The following PSMD2 variants were observed in gnomAD, a reference collection of about 807,000 sequenced individuals.
PSMD2 encodes proteasome 26S subunit ubiquitin receptor, non-ATPase 2, also known as 26S proteasome non-ATPase regulatory subunit 2.
In PSMD2, 8 loss-of-function variants were observed where a neutral mutation model predicts 101.5. The ratio of observed to expected loss-of-function variants is 0.08; its 90% confidence interval spans 0.05 to 0.14. The LOEUF is 0.14. Among genes scored for constraint, PSMD2 ranks in the 10% least tolerant of loss-of-function variants. The pLI is 1.00. For synonymous variants in PSMD2, 418 were observed against 433.8 expected, an observed-to-expected ratio of 0.96 and a Z score of 0.45; for missense variants, 784 against 1,147.4, an observed-to-expected ratio of 0.68 and a Z score of 4.58.
intron 1 of PSMD2, 94 bp from the exon 2 acceptor site, chr3:184,299,757 G>A: frequency 9.5e-7 from 1 of 1,052,836 alleles, no homozygotes; most frequent in Non-Finnish European, 1.5e-6. Context: ...CCCTCCTAAG[G>A]AGGCAGGCTT....
At position 184,307,724 on chromosome 3, in the gene PSMD2, C is replaced by T. The variant is rs764095584; in HGVS notation, c.2298+16C>T. 5.3e-5 allele frequency: 85 copies of T among 1,612,252 alleles called. No individual in the cohort carries two copies. The Admixed American group carries it at 1.4e-3, about 27-fold the overall frequency. ...CTTGGCACAGGTAAAGAATAGAACT[C>T]CTCCACAGAGCGTGCCGGGGAAGTA... On this transcript the variant is annotated intron_variant, in intron 18 of 20. Coordinates refer to ENST00000310118, the MANE Select transcript of PSMD2 (RefSeq NM_002808.5).
chr3:184,308,294 C>T lies in PSMD2; in HGVS notation c.2426-155C>T, dbSNP rs926473134. ...GGCTGTAAGCAAAGTGAGGTGGGGG[C>T]GTCTCTGGTTCGTAGTAGGGTGTAT... is the stretch of plus-strand genomic sequence containing the variant. On this transcript the variant is annotated intron_variant, in intron 19 of 20. Transcript: ENST00000310118. The surrounding 1 kb of genome is among the most constrained non-coding windows in gnomAD (Gnocchi z 6.0). 6.6e-5 allele frequency among the ~76,000 whole-genome samples: 10 copies of T among 152,098 alleles called. No individual in the cohort carries two copies. The highest frequency in any genetic ancestry group is 4.8e-5 in the African/African-American group (2 of 41,420).
intron 1 of PSMD2, 69 bp downstream of exon 1, chr3:184,299,470 A>C: frequency 1.5e-6 from 2 of 1,310,206 alleles, no homozygotes; most frequent in Non-Finnish European, 1.9e-6. Flanking sequence ...CGCAGGCCTC[A>C]GGCCCGACAC....
rs952433532 is a variant in PSMD2, at chr3:184,300,386, G to A, written c.299G>A (p.Arg100His). The change falls in exon 3 of 21, where the codon CGT (arginine) becomes CAT (histidine). Residue 100 changes from arginine to histidine, a missense_variant. Arg to His is a conservative substitution (Grantham distance 29). Transcript: ENST00000310118. ...GTGCCCAAGCCTCTCAAATTTCTGC[G>A]TCCACACTATGGCAAACTGAAGGAA... ...TSVPKPLKFL[R>H]PHYGKLKEIY... The A allele has an allele frequency of 3.1e-6, 5 of 1,613,916 alleles. No homozygotes were observed. The South Asian group carries it at 3.3e-5, about 11-fold the overall frequency.
In PSMD2 at chr3:184,302,007, G is replaced by T. The variant is rs749475591; in HGVS notation, c.640G>T (p.Val214Leu). 6.2e-7 allele frequency: 1 copy of T among 1,614,138 alleles called. No individual in the cohort carries two copies. The highest frequency in any genetic ancestry group is 1.3e-5 in the African/African-American group (1 of 74,950). The change falls in exon 5 of 21, where the codon GTG (valine) becomes TTG (leucine). Residue 214 changes from valine (V) to leucine (L), a missense_variant. Transcript: ENST00000310118. ...ACDLLMEIEQ[V>L]DMLEKDIDEN... ...CGACCTGCTTATGGAAATTGAGCAG[G>T]TGGACATGCTGGAGAAGGACATTGA...
At position 184,308,754 on chromosome 3, in the gene PSMD2, G is replaced by C; in HGVS notation, c.2591G>C (p.Gly864Ala). The C allele has an allele frequency of 1.2e-6, 2 of 1,614,192 alleles. No homozygotes were observed. The highest frequency in any genetic ancestry group is 1.7e-6 in the Non-Finnish European group (2 of 1,180,028). ...GQAGKPKTITGFQTHTTPVLL... is the reference protein window; with the variant it reads ...GQAGKPKTITAFQTHTTPVLL... ...GCTGGCAAGCCGAAGACTATCACAG[G>C]GTTCCAGACGCATACAACCCCAGTG... The change falls in exon 21 of 21, where the codon GGG becomes GCG. Residue 864 changes from glycine (G) to alanine (A), a missense_variant. Gly to Ala is a moderately conservative substitution (Grantham distance 60). Around this residue, in one of 6 missense-constraint regions of PSMD2, gnomAD observed 28 missense variants for 80.8 expected, o/e 0.35. Transcript: ENST00000310118. This position sits in a 1 kb window ranked among gnomAD's most constrained non-coding sequence, Gnocchi z 6.0.
At chr3:184,302,596 T>G (rs1370807275) in intron 6 of PSMD2, 68 bp downstream of exon 6, 6 of 1,611,226 alleles carry the variant, frequency 3.7e-6, no homozygotes, top group Non-Finnish European at 5.1e-6. Context: ...GAGCTGGGAC[T>G]TGTAGTTTCT....
chr3:184,299,914 C>G lies in PSMD2; in HGVS notation c.192+7C>G. ...GCTCGTGGAACGACTAGGGGTGAGT[C>G]ACGATGTTAACATGATTCGGTGCAT... On this transcript the variant is annotated splice_region_variant and intron_variant, in intron 2 of 20. Transcript: ENST00000310118. 6.2e-7 allele frequency: 1 copy of G among 1,612,354 alleles called. No homozygotes were observed. Among genetic ancestry groups the G allele is most frequent in the Non-Finnish European group, 8.5e-7 (1 of 1,178,400 alleles).
At chr3:184,302,254 T>C (rs945839078) in intron 5 of PSMD2, 116 bp from the exon 6 acceptor site, 2 of 1,239,106 alleles carry the variant, frequency 1.6e-6, no homozygotes, top group Non-Finnish European at 2.3e-6. Flanking sequence ...TTCTAACATC[T>C]AGCACAGTGC....
Position 184,308,253 on chromosome 3 carries a change from G to A in PSMD2, c.2426-196G>A, listed in dbSNP as rs533635274. On this transcript the variant is annotated intron_variant, in intron 19 of 20. Coordinates refer to ENST00000310118, the MANE Select transcript of PSMD2 (RefSeq NM_002808.5). The surrounding 1 kb of genome is among the most constrained non-coding windows in gnomAD (Gnocchi z 6.0). Reference sequence around the variant, plus strand: ...TGCTCCTAAGTCACTGGGGAAATGCGATTTTCAAGTCTAAGGGCTGTAAGC... The same window carrying A: ...TGCTCCTAAGTCACTGGGGAAATGCAATTTTCAAGTCTAAGGGCTGTAAGC... 4.7e-4 allele frequency among the ~76,000 whole-genome samples: 72 copies of A among 152,296 alleles called. No individual in the cohort carries two copies. Among genetic ancestry groups the A allele is most frequent in the African/African-American group, 1.5e-3 (61 of 41,548 alleles).
At chr3:184,305,615 A>G (rs1721806063) in intron 12 of PSMD2, among the ~76,000 whole-genome samples, 153 bp from the exon 13 acceptor site, 1 of 152,202 alleles carries the variant, frequency 6.6e-6, no homozygotes, top group South Asian at 2.1e-4. Flanking sequence ...GTATATACTC[A>G]ATGAATAATG....
rs1721763757 is a variant in PSMD2 at position 184,304,520 on chromosome 3, A to G, written c.1539+129A>G. The G allele has an allele frequency of 1.1e-6, 1 of 929,176 alleles. No homozygotes were observed. 57.6% of individuals were successfully genotyped at this position (929,176 alleles called of 1,614,324 possible). A position where few individuals can be genotyped will look rare whatever the true frequency, so the allele number is the denominator to read the frequency against. ...TACATGTACATGCCTGTTGGTGTGT[A>G]TTGAGGGGCGTCACCTCAGTGAAAC... is the stretch of plus-strand genomic sequence containing the variant. On this transcript the variant is annotated intron_variant, in intron 12 of 20. Transcript: ENST00000310118. The surrounding 1 kb of genome is among the most constrained non-coding windows in gnomAD (Gnocchi z 4.1).
chr3:184,302,451 C>T lies in PSMD2; in HGVS notation c.786C>T (p.Phe262=), dbSNP rs368021493. ...ALGVFRKFSR[F]PEALRLALML... Reference sequence around the variant, plus strand: ...GTGTGTTCCGAAAGTTTAGCCGCTTCCCTGAAGCTCTGAGATTGGCATTGA... The same window carrying T: ...GTGTGTTCCGAAAGTTTAGCCGCTTTCCTGAAGCTCTGAGATTGGCATTGA... The change falls in exon 6 of 21, where the codon TTC becomes TTT. Residue 262 remains phenylalanine, a synonymous_variant. Coordinates refer to ENST00000310118, the MANE Select transcript of PSMD2 (RefSeq NM_002808.5). The T allele has an allele frequency of 6.8e-6, 11 of 1,614,050 alleles. No individual in the cohort carries two copies. Among genetic ancestry groups the T allele is most frequent in the Non-Finnish European group, 7.6e-6 (9 of 1,180,044 alleles).
chr3:184,306,756 G>A lies in PSMD2; in HGVS notation c.1956G>A (p.Val652=). 1 of 1,613,586 alleles carries A rather than the reference G, an allele frequency of 6.2e-7. No homozygotes were observed. Among genetic ancestry groups the A allele is most frequent in the Non-Finnish European group, 8.5e-7 (1 of 1,179,770 alleles). The change falls in exon 16 of 21, where the codon GTG becomes GTA. Residue 652 remains valine (V), a synonymous_variant. Coordinates refer to ENST00000310118, the MANE Select transcript of PSMD2 (RefSeq NM_002808.5). Reference sequence around the variant, plus strand: ...TGCTCTCTCTTCAATTGCAGGGAGTGGCTGTTCTGGGGATTGCCCTTATTG... The same window carrying A: ...TGCTCTCTCTTCAATTGCAGGGAGTAGCTGTTCTGGGGATTGCCCTTATTG... The part of the protein sequence containing the change: ...APADMGAHQG[V]AVLGIALIAM...
chr3:184,299,804 T>C (rs890545377), intron 1 of PSMD2, 47 bp from the exon 2 acceptor site: 9 of 1,495,688 alleles, frequency 6.0e-6, no homozygotes, highest in Non-Finnish European at 8.4e-6. Context: ...GAGGAGGACG[T>C]CTTTGGGATT....
At position 184,300,532 on chromosome 3, in the gene PSMD2, G is replaced by A. The variant is rs966964348; in HGVS notation, c.357+88G>A. 6.6e-5 allele frequency: 101 copies of A among 1,522,702 alleles called. No individual in the cohort carries two copies. In the African/African-American group the frequency reaches 1.1e-3, roughly 17 times the overall value. The allele number at this position is 1,522,702 out of a possible 1,614,324, so 94.3% of individuals were successfully genotyped here. ...GGGGACTCATTGTGAGTCACAGGAA[G>A]CCTGATAGACCTAAGCCGTGATCTA... On this transcript the variant is annotated intron_variant, in intron 3 of 20. Transcript: ENST00000310118.
chr3:184,303,284 CT>C (rs891150195), intron 8 of PSMD2, 35 bp from the exon 9 acceptor site: 2 of 1,600,168 alleles, frequency 1.2e-6, no homozygotes, highest in Non-Finnish European at 1.7e-6. Context: ...TACCTGAAAC[CT>C]TCTTTCCTTA....
chr3:184,301,511 A>C, intron 3 of PSMD2, 26 bp from the exon 4 acceptor site: 1 of 1,612,030 alleles, frequency 6.2e-7, no homozygotes, highest in Non-Finnish European at 8.5e-7. Context: ...GCTGGGTTTG[A>C]CTTCAAAGAA....
intron 3 of PSMD2, among the ~76,000 whole-genome samples, chr3:184,301,100 G>A (rs1304404710): frequency 6.6e-6 from 1 of 151,782 alleles, no homozygotes; most frequent in East Asian, 1.9e-4. Flanking sequence ...GGAGGCCGAG[G>A]GGTGGATCAC....
Sources: allele counts gnomAD v4.1 joint callset (sites outside exome capture counted in the v4.1 genomes callset), GRCh38; gene constraint gnomAD v4.1.1; regional missense constraint gnomAD v4.1.1; non-coding constraint Gnocchi (gnomAD v3.1); transcripts MANE v1.5; gene names NCBI Gene and HGNC (gene_info 2026-07-23, HGNC 2026-07-21).